The following ZBTB7C variants were observed in gnomAD, a reference collection of about 807,000 sequenced individuals.
ZBTB7C encodes zinc finger and BTB domain-containing protein 7C.
Under a neutral mutation model 25.7 loss-of-function variants are expected in ZBTB7C, and 8 were observed. That is an observed-to-expected ratio of 0.31 (90% CI 0.18 to 0.56). ZBTB7C has a LOEUF of 0.56. ZBTB7C is among the 20% of genes least tolerant of loss of function. The probability of loss-of-function intolerance (pLI) is 0.91; values close to 1 mark genes in which losing one functional copy is unlikely to be tolerated. For missense variants in ZBTB7C, 824 were observed against 855.2 expected (o/e 0.96, Z 0.46); for synonymous variants, 394 against 369.0 (o/e 1.07, Z -0.78).
Position 48,379,265 on chromosome 18 carries a change from TA to T in ZBTB7C, c.-304+29960del, listed in dbSNP as rs550218173. ...CCACCCCCTCTTGATTACCATAGCC[TA>T]AATTAGCCTGGAAACTGGGTAGTAT... On this transcript the variant is annotated intron_variant, in intron 1 of 4. Transcript: ENST00000590800. 8.5e-5 allele frequency among the ~76,000 whole-genome samples: 13 copies of T among 152,344 alleles called. 1 individual carries two copies. The South Asian group carries it at 2.7e-3, about 32-fold the overall frequency.
intron 3 of ZBTB7C, chr18:48,150,888 C>G (rs942247091): frequency 6.6e-6 from 1 of 152,194 alleles, no homozygotes; most frequent in Non-Finnish European, 1.5e-5. Flanking sequence ...AGGACTGAAG[C>G]ATGGTGGCAT....
chr18:48,077,062 CA>C (rs10539603), intron 3 of ZBTB7C: 52,232 of 399,056 alleles, frequency 0.13, 498 homozygotes, highest in South Asian at 0.15. Flanking sequence ...TTGTTATATG[CA>C]AAAAAAAAAA....
intron 2 of ZBTB7C, among the ~76,000 whole-genome samples, chr18:48,267,179 T>C (rs536266055): frequency 3.9e-5 from 6 of 152,328 alleles, no homozygotes; most frequent in Non-Finnish European, 7.3e-5. Context: ...CCTCCATTGC[T>C]CATCAGATAC....
chr18:48,298,492 G>A (rs1034726602), intron 2 of ZBTB7C, among the ~76,000 whole-genome samples: 2 of 152,062 alleles, frequency 1.3e-5, no homozygotes, highest in Non-Finnish European at 2.9e-5. Context: ...CCTCCACATA[G>A]GGACACATCC....
Position 48,280,109 on chromosome 18 carries a change from G to A in ZBTB7C, c.-79+58065C>T, listed in dbSNP as rs75064966. Among the ~76,000 whole-genome samples, 443 of 152,210 alleles carry A rather than the reference G, an allele frequency of 2.9e-3. 2 individuals carry two copies. The highest frequency in any genetic ancestry group is 8.3e-3 in the African/African-American group (346 of 41,518). ...GGAACTCACCCTACAATTAGAATACGGTGTGGTCAGTGCTGTAGGCAGGAG... is the reference window on the plus strand; with the variant it reads ...GGAACTCACCCTACAATTAGAATACAGTGTGGTCAGTGCTGTAGGCAGGAG... On this transcript the variant is annotated intron_variant, in intron 2 of 4. Coordinates refer to ENST00000590800, the MANE Select transcript of ZBTB7C (RefSeq NM_001318841.2).
At chr18:48,210,231 G>C (rs547078802) in intron 2 of ZBTB7C, among the ~76,000 whole-genome samples, 4 of 152,284 alleles carry the variant, frequency 2.6e-5, no homozygotes, top group Admixed American at 6.5e-5. Flanking sequence ...AATGTAAAAT[G>C]GCACAACCAC....
In ZBTB7C at chr18:48,387,845, GTTTGT is replaced by G. The variant is rs1459390710; in HGVS notation, c.-304+21376_-304+21380del. Among the ~76,000 whole-genome samples the G allele has an allele frequency of 6.6e-3, 694 of 104,774 alleles. 3 individuals carry two copies. Among genetic ancestry groups the G allele is most frequent in the African/African-American group, 0.021 (675 of 32,672 alleles). The allele number at this position is 104,774 out of a possible 152,430, so 68.7% of individuals were successfully genotyped here. On this transcript the variant is annotated intron_variant, in intron 1 of 4. Coordinates refer to ENST00000590800, the MANE Select transcript of ZBTB7C (RefSeq NM_001318841.2). ...TTTGGTTTGGTTTGTTGTTGTTGTT[GTTTGT>G]TTGTTTGTTTTGAGACAGGGTCTTG...
rs2035620225 is a variant in ZBTB7C at position 48,029,279 on chromosome 18, A to G, written c.1841T>C (p.Met614Thr). The stretch of plus-strand genomic sequence containing the variant: ...ACCAGCCTAGTTGTTGGCTTCGGAC[A>G]TGGAGGCCACGTGGTTGAGGCCGGC... ...GLAGLNHVASMSEANN is the reference protein window; with the variant it reads ...GLAGLNHVASTSEANN Residue 614 changes from methionine (M) to threonine (T), a missense_variant, in exon 5 of 5, where the codon ATG (methionine) becomes ACG (threonine). Coordinates refer to ENST00000590800, the MANE Select transcript of ZBTB7C (RefSeq NM_001318841.2). 3.9e-6 allele frequency: 6 copies of G among 1,537,958 alleles called. No homozygotes were observed. The highest frequency in any genetic ancestry group is 2.4e-5 in the East Asian group (1 of 41,154).
At chr18:48,155,356 C>G (rs190041415) in intron 3 of ZBTB7C, among the ~76,000 whole-genome samples, 62 of 110,942 alleles carry the variant, frequency 5.6e-4, no homozygotes, top group Admixed American at 4.9e-4. Flanking sequence ...GAGACAGAGT[C>G]TCACTCTATC....
At chr18:48,348,922 G>C (rs971563014) in intron 1 of ZBTB7C, among the ~76,000 whole-genome samples, 1 of 152,204 alleles carries the variant, frequency 6.6e-6, no homozygotes, top group African/African-American at 2.4e-5. Context: ...TTCCTGAGTG[G>C]ACATGCATCA....
At chr18:48,260,028 G>A (rs1013939550) in intron 2 of ZBTB7C, among the ~76,000 whole-genome samples, 2 of 152,106 alleles carry the variant, frequency 1.3e-5, no homozygotes, top group Non-Finnish European at 2.9e-5. Flanking sequence ...CAAGAGAAAT[G>A]AAAACATATC....
chr18:48,193,095 C>T (rs1304050265), intron 2 of ZBTB7C, among the ~76,000 whole-genome samples: 2 of 152,196 alleles, frequency 1.3e-5, no homozygotes, highest in Admixed American at 1.3e-4. Flanking sequence ...GCACGATCCT[C>T]CCAACTTGAA....
intron 3 of ZBTB7C, among the ~76,000 whole-genome samples, chr18:48,090,942 A>G (rs1262479871): frequency 6.6e-6 from 1 of 152,236 alleles, no homozygotes; most frequent in African/African-American, 2.4e-5. Flanking sequence ...GAACTGTCCA[A>G]TAGAAATACA....
At chr18:48,406,818 C>T (rs2048293176) in intron 1 of ZBTB7C, among the ~76,000 whole-genome samples, 1 of 152,200 alleles carries the variant, frequency 6.6e-6, no homozygotes, top group South Asian at 2.1e-4. Context: ...TCATAAAATT[C>T]TGCTGGACTG....
In ZBTB7C at chr18:48,353,582, A is replaced by C. The variant is rs1034153128; in HGVS notation, c.-303-15184T>G. 3.3e-5 allele frequency among the ~76,000 whole-genome samples: 5 copies of C among 152,140 alleles called. No homozygotes were observed. The East Asian group carries it at 9.6e-4, about 29-fold the overall frequency. On this transcript the variant is annotated intron_variant, in intron 1 of 4. Transcript: ENST00000590800. Reference sequence around the variant, plus strand: ...GGCTAAGGAAGAGTCCCTGTCCCCCAGTATTCTCCAATCCCATCTGATGTT... The same window carrying C: ...GGCTAAGGAAGAGTCCCTGTCCCCCCGTATTCTCCAATCCCATCTGATGTT...
chr18:48,048,043 G>A (rs977114249), intron 3 of ZBTB7C, among the ~76,000 whole-genome samples: 1 of 152,136 alleles, frequency 6.6e-6, no homozygotes, highest in Non-Finnish European at 1.5e-5. Flanking sequence ...CAAGGGCAGG[G>A]GGATTTGGAC....
intron 2 of ZBTB7C, among the ~76,000 whole-genome samples, chr18:48,207,920 C>A (rs991102903): frequency 6.6e-6 from 1 of 151,852 alleles, no homozygotes; most frequent in Non-Finnish European, 1.5e-5. Flanking sequence ...ATCCAGAGTG[C>A]TGGGAATGTT....
chr18:48,191,556 C>A (rs1261276047), intron 2 of ZBTB7C, among the ~76,000 whole-genome samples: 1 of 152,240 alleles, frequency 6.6e-6, no homozygotes, highest in Non-Finnish European at 1.5e-5. Flanking sequence ...GGACACTGAG[C>A]CACTATGCTT....
intron 1 of ZBTB7C, among the ~76,000 whole-genome samples, chr18:48,391,342 A>C (rs1394118696): frequency 6.6e-6 from 1 of 152,216 alleles, no homozygotes; most frequent in Non-Finnish European, 1.5e-5. Context: ...ATCTTACTCA[A>C]GGAGAAAAAT....
Sources: allele counts gnomAD v4.1 joint callset (sites outside exome capture counted in the v4.1 genomes callset), GRCh38; gene constraint gnomAD v4.1.1; transcripts MANE v1.5; gene names NCBI Gene and HGNC (gene_info 2026-07-23, HGNC 2026-07-21).